EIF3L: variants seen among roughly 807,000 people sequenced by gnomAD.
EIF3L encodes the protein eIEF associated protein HSPC021.
In EIF3L, 32 loss-of-function variants were observed where a neutral mutation model predicts 74.6. That is an observed-to-expected ratio of 0.43 (90% confidence interval 0.32 to 0.58). EIF3L has a LOEUF of 0.58. Ranked by LOEUF, EIF3L falls within the 20% of genes least tolerant of loss-of-function variation. EIF3L has a pLI of 0.06. For synonymous variants in EIF3L, 256 were observed against 254.4 expected (o/e 1.01, Z -0.06); for missense variants, 474 against 707.8 (o/e 0.67, Z 3.75).
Position 37,850,036 on chromosome 22 carries a change from T to C in EIF3L, c.55T>C (p.Tyr19His), listed in dbSNP as rs755985240. ...CTAGGCGGCTTATGACCCCTACGCT[T>C]ATCCCAGCGACTATGATATGCACAC... ...ESEAAYDPYA[Y>H]PSDYDMHTGD... is the part of the protein sequence containing the mutation. Residue 19 changes from tyrosine (Y) to histidine (H), a missense_variant, in exon 2 of 13, where the codon TAT (tyrosine) becomes CAT (histidine). This residue lies in a region of EIF3L where 39 missense variants were observed against 24.2 expected (regional missense o/e 1.61). Transcript: ENST00000652021. The C allele has an allele frequency of 6.2e-7, 1 of 1,613,762 alleles. No individual in the cohort carries two copies. Among genetic ancestry groups the C allele is most frequent in the Non-Finnish European group, 8.5e-7 (1 of 1,179,800 alleles).
At chr22:37,876,209 A>G (rs1926741160) in intron 10 of EIF3L, 198 bp downstream of exon 10, 1 of 543,450 alleles carries the variant, frequency 1.8e-6, no homozygotes, top group South Asian at 2.7e-5. Context: ...AGCTCACGTC[A>G]GCCTCAACCT....
intron 11 of EIF3L, chr22:37,884,883 G>A (rs905034291): frequency 4.5e-5 from 6 of 132,288 alleles, no homozygotes; most frequent in Non-Finnish European, 7.9e-5. Context: ...TTTCTCCCTT[G>A]CCAGGATCAT....
At chr22:37,851,668 C>A in intron 3 of EIF3L, 178 bp downstream of exon 3, 1 of 567,074 alleles carries the variant, frequency 1.8e-6, no homozygotes, top group Non-Finnish European at 3.2e-6. Flanking sequence ...TTTATTTATG[C>A]ATTTGTTTAT....
At chr22:37,874,215 T>C (rs1926625917) in intron 8 of EIF3L, among the ~76,000 whole-genome samples, 155 bp from the exon 9 acceptor site, 1 of 152,174 alleles carries the variant, frequency 6.6e-6, no homozygotes, top group South Asian at 2.1e-4. Context: ...TTGGTTTTGC[T>C]GTTTCTTGGT....
At chr22:37,863,146 G>A in intron 6 of EIF3L, 108 bp downstream of exon 6, 2 of 1,165,822 alleles carry the variant, frequency 1.7e-6, no homozygotes, top group Non-Finnish European at 2.5e-6. Flanking sequence ...TTAATGTGTA[G>A]GTGGGAAGAG....
chr22:37,869,023 C>T (rs1926334426), intron 7 of EIF3L, among the ~76,000 whole-genome samples: 1 of 152,176 alleles, frequency 6.6e-6, no homozygotes, highest in Non-Finnish European at 1.5e-5. Flanking sequence ...GATCCATCCA[C>T]CTTGGCTTCC....
At chr22:37,879,493 CA>C (rs771897693) in intron 11 of EIF3L, 1,645 of 126,514 alleles carry the variant, frequency 0.013, 25 homozygotes, top group African/African-American at 0.039. Context: ...CACTCCGTCT[CA>C]AAAAAAAAAA....
At position 37,858,719 on chromosome 22, in the gene EIF3L, G is replaced by A. The variant is rs1925677797; in HGVS notation, c.414G>A (p.Arg138=). The part of the protein sequence containing the change: ...FLILYKELYY[R]HIYAKVSGGP... ...TTTTATACAAAGAATTATACTACAGGCACATATATGCCAAAGTCAGTGTAA... is the reference window on the plus strand; with the variant it reads ...TTTTATACAAAGAATTATACTACAGACACATATATGCCAAAGTCAGTGTAA... Residue 138 remains arginine (R), a synonymous_variant, in exon 5 of 13, where the codon AGG becomes AGA. Coordinates refer to ENST00000652021, the MANE Select transcript of EIF3L (RefSeq NM_016091.4). 4 of 1,607,106 alleles carry A rather than the reference G, an allele frequency of 2.5e-6. No individual in the cohort carries two copies. The highest frequency in any genetic ancestry group is 2.2e-5 in the East Asian group (1 of 44,782).
At chr22:37,884,878 C>T (rs1343263004) in intron 11 of EIF3L, 2 of 144,456 alleles carry the variant, frequency 1.4e-5, no homozygotes, top group African/African-American at 5.1e-5. Context: ...AAAACTTTCT[C>T]CCTTGCCAGG....
chr22:37,869,466 C>G (rs1446591493), intron 7 of EIF3L, among the ~76,000 whole-genome samples: 1 of 152,094 alleles, frequency 6.6e-6, no homozygotes, highest in Non-Finnish European at 1.5e-5. Context: ...TCTTCTAAGA[C>G]CTAGGTTTTA....
At chr22:37,868,930 C>G (rs1926328992) in intron 7 of EIF3L, among the ~76,000 whole-genome samples, 2 of 151,974 alleles carry the variant, frequency 1.3e-5, no homozygotes, top group Non-Finnish European at 2.9e-5. Context: ...GCATGAGCCA[C>G]CGCACCCGGC....
intron 7 of EIF3L, among the ~76,000 whole-genome samples, chr22:37,863,847 C>G (rs994755842): frequency 2.6e-5 from 4 of 152,004 alleles, no homozygotes; most frequent in East Asian, 1.9e-4. Context: ...GGGCAGATCA[C>G]GAGGTCAGGA....
intron 3 of EIF3L, among the ~76,000 whole-genome samples, chr22:37,853,636 A>G (rs953633117): frequency 3.9e-5 from 6 of 152,338 alleles, no homozygotes; most frequent in Admixed American, 2.6e-4. Flanking sequence ...CTGATGTTCA[A>G]TAGAAATGTA....
chr22:37,869,459 T>A lies in EIF3L; in HGVS notation c.580-717T>A, dbSNP rs559150854. On this transcript the variant is annotated intron_variant, in intron 7 of 12. Transcript: ENST00000652021. The stretch of plus-strand genomic sequence containing the variant: ...AGAGTTGAAGAACAGTCTTAGATCT[T>A]CTAAGACCTAGGTTTTAGGTCTGTG... 9.2e-5 allele frequency among the ~76,000 whole-genome samples: 14 copies of A among 152,220 alleles called. No homozygotes were observed. The South Asian group carries it at 1.7e-3, about 18-fold the overall frequency.
chr22:37,855,701 T>G, intron 4 of EIF3L, 57 bp downstream of exon 4: 1 of 1,458,238 alleles, frequency 6.9e-7, no homozygotes. Flanking sequence ...GCTGAGTCAT[T>G]AGACAGGAAG....
At chr22:37,849,512 C>T (rs769664893) in intron 1 of EIF3L, 30 bp downstream of exon 1, 27 of 1,572,576 alleles carry the variant, frequency 1.7e-5, no homozygotes, top group Non-Finnish European at 2.0e-5. Context: ...GCGGTGGGCT[C>T]CACGACGGGG....
rs963344540 is a variant in EIF3L, at chr22:37,863,758, C to CT, written c.579+424dup. Among the ~76,000 whole-genome samples, 703 of 147,878 alleles carry CT rather than the reference C, an allele frequency of 4.8e-3. 4 individuals carry two copies. The highest frequency in any genetic ancestry group is 0.016 in the African/African-American group (644 of 40,496). ...CCACACAATGGAAATGTTCTATTAT[C>CT]TTTTTTTTTTTAAGAGTCAGGGTCA... On this transcript the variant is annotated intron_variant, in intron 7 of 12. Transcript: ENST00000652021.
chr22:37,870,051 G>A (rs1926388857), intron 7 of EIF3L, 125 bp from the exon 8 acceptor site: 7 of 708,800 alleles, frequency 9.9e-6, no homozygotes, highest in African/African-American at 3.6e-5. Context: ...AGAATGAGAA[G>A]TGGTCATCTC....
intron 7 of EIF3L, among the ~76,000 whole-genome samples, chr22:37,867,620 G>A (rs1926219022): frequency 7.0e-6 from 1 of 143,414 alleles, no homozygotes; most frequent in Admixed American, 7.2e-5. Context: ...TCACACCACC[G>A]CACTCCACCC....
Sources: allele counts gnomAD v4.1 joint callset (sites outside exome capture counted in the v4.1 genomes callset), GRCh38; gene constraint gnomAD v4.1.1; regional missense constraint gnomAD v4.1.1; transcripts MANE v1.5; gene names NCBI Gene and HGNC (gene_info 2026-07-23, HGNC 2026-07-21).